Variants in EYS observed in about 807,000 individuals in gnomAD.
EYS encodes the protein protein eyes shut homolog.
EYS carries 250 observed loss-of-function variants against 282.1 expected under a neutral mutation model. That is an observed-to-expected ratio of 0.89 (90% CI 0.80 to 0.98). EYS has a LOEUF of 0.98. Ranked by LOEUF, EYS falls within the 50% of genes least tolerant of loss-of-function variation. The pLI, the probability that EYS is intolerant of heterozygous loss-of-function variation, is 0.00. For missense variants in EYS, 4,016 were observed against 3,709.0 expected, an observed-to-expected ratio of 1.08 and a Z score of -2.15; for synonymous variants, 1,355 against 1,282.9, an observed-to-expected ratio of 1.06 and a Z score of -1.20.
chr6:63,747,410 A>C (rs1357215475), intron 41 of EYS, among the ~76,000 whole-genome samples: 1 of 152,204 alleles, frequency 6.6e-6, no homozygotes, highest in Non-Finnish European at 1.5e-5. Flanking sequence ...TGCTGAGAAG[A>C]ATGTATATTC....
At chr6:63,722,201 C>T (rs1232686699) in intron 42 of EYS, among the ~76,000 whole-genome samples, 1 of 152,134 alleles carries the variant, frequency 6.6e-6, no homozygotes, top group Non-Finnish European at 1.5e-5. Flanking sequence ...CTGGAATGTT[C>T]TCTTTCCCCA....
intron 5 of EYS, among the ~76,000 whole-genome samples, chr6:65,424,897 C>T (rs369242321): frequency 5.1e-4 from 78 of 152,084 alleles, no homozygotes; most frequent in African/African-American, 1.8e-3. Context: ...TCTATATTTT[C>T]TGCCCAAATG....
intron 13 of EYS, among the ~76,000 whole-genome samples, chr6:65,033,721 G>T (rs1397508794): frequency 1.3e-5 from 2 of 152,190 alleles, no homozygotes; most frequent in East Asian, 3.8e-4. Context: ...TGTTGCAGGG[G>T]CAGAACCCTC....
At chr6:65,679,433 C>A (rs1350607571) in intron 1 of EYS, among the ~76,000 whole-genome samples, 1 of 151,816 alleles carries the variant, frequency 6.6e-6, no homozygotes, top group Admixed American at 6.6e-5. Flanking sequence ...GTGGAAAAAG[C>A]CAATCACCAG....
chr6:65,037,033 C>T (rs906790905), intron 13 of EYS, among the ~76,000 whole-genome samples: 3 of 151,788 alleles, frequency 2.0e-5, no homozygotes, highest in Non-Finnish European at 4.4e-5. Flanking sequence ...AGCACTATTC[C>T]TAATAGCAAA....
At chr6:64,678,810 C>A (rs1769792625) in intron 22 of EYS, among the ~76,000 whole-genome samples, 1 of 151,808 alleles carries the variant, frequency 6.6e-6, no homozygotes, top group Admixed American at 6.6e-5. Flanking sequence ...CATGGTGAAA[C>A]CCCGTCTCCA....
intron 19 of EYS, among the ~76,000 whole-genome samples, chr6:64,850,205 A>G (rs1393456105): frequency 6.6e-6 from 1 of 152,122 alleles, no homozygotes; most frequent in African/African-American, 2.4e-5. Context: ...ATGGATGCAT[A>G]TTTTATTTAT....
intron 2 of EYS, among the ~76,000 whole-genome samples, chr6:65,629,412 A>C (rs531967678): frequency 6.6e-6 from 1 of 152,130 alleles, no homozygotes; most frequent in Non-Finnish European, 1.5e-5. Context: ...ACCAAAATCA[A>C]AGTCACTAGA....
intron 1 of EYS, among the ~76,000 whole-genome samples, chr6:65,652,439 C>G (rs1441740714): frequency 4.6e-5 from 7 of 151,684 alleles, no homozygotes; most frequent in Non-Finnish European, 1.0e-4. Flanking sequence ...AAGAAAATAT[C>G]CCAGAGAAGT....
At chr6:65,221,219 G>A (rs962204280) in intron 12 of EYS, among the ~76,000 whole-genome samples, 1 of 152,190 alleles carries the variant, frequency 6.6e-6, no homozygotes, top group Non-Finnish European at 1.5e-5. Flanking sequence ...ATTTGCCTAA[G>A]TAATGAGGAG....
At chr6:64,263,682 A>G (rs1045656768) in intron 30 of EYS, among the ~76,000 whole-genome samples, 4 of 152,116 alleles carry the variant, frequency 2.6e-5, no homozygotes, top group African/African-American at 9.7e-5. Flanking sequence ...AACCAACAGG[A>G]TATGGCGATT....
At chr6:65,696,395 C>G (rs1392897986) in intron 1 of EYS, among the ~76,000 whole-genome samples, 1 of 151,912 alleles carries the variant, frequency 6.6e-6, no homozygotes, top group Non-Finnish European at 1.5e-5. Context: ...GAATATTAGA[C>G]AACTTTTGAA....
In EYS at chr6:64,187,856, G is replaced by C. The variant is rs190944194; in HGVS notation, c.6424+42736C>G. On this transcript the variant is annotated intron_variant, in intron 31 of 42. Transcript: ENST00000503581. ...TTTTTTTAAATTTCACTGGCTCTTT[G>C]TGTTTAATATAAGATTTCTTTACAA... is the stretch of plus-strand genomic sequence containing the variant. Among the ~76,000 whole-genome samples the C allele has an allele frequency of 2.7e-3, 403 of 151,846 alleles. 1 individual carries two copies. The highest frequency in any genetic ancestry group is 3.5e-3 in the Non-Finnish European group (240 of 67,898).
chr6:64,886,634 T>G, intron 19 of EYS, 63 bp downstream of exon 19: 64 of 1,342,936 alleles, frequency 4.8e-5, no homozygotes, highest in Non-Finnish European at 5.9e-5. Context: ...AGTATAAATA[T>G]GAGGTTTCTA....
At chr6:64,246,114 A>G (rs1767011996) in intron 30 of EYS, among the ~76,000 whole-genome samples, 1 of 150,046 alleles carries the variant, frequency 6.7e-6, no homozygotes, top group African/African-American at 2.4e-5. Context: ...ATTGTTATAA[A>G]TAATTGGGGA....
intron 19 of EYS, among the ~76,000 whole-genome samples, chr6:64,869,907 T>G (rs1766538525): frequency 6.6e-6 from 1 of 151,420 alleles, no homozygotes; most frequent in South Asian, 2.1e-4. Context: ...AAGGTAAGAC[T>G]AGAAGTAAGG....
At chr6:64,930,219 T>C (rs1768666709) in intron 15 of EYS, among the ~76,000 whole-genome samples, 1 of 152,048 alleles carries the variant, frequency 6.6e-6, no homozygotes, top group Non-Finnish European at 1.5e-5. Context: ...AGATTATAAT[T>C]GTAAAATATT....
At chr6:64,703,404 CACACACAT>C (rs1326440723) in intron 22 of EYS, among the ~76,000 whole-genome samples, 5 of 32,784 alleles carry the variant, frequency 1.5e-4, no homozygotes, top group African/African-American at 4.1e-4. Context: ...CACACACACA[CACACACAT>C]ATATATATAT....
intron 1 of EYS, among the ~76,000 whole-genome samples, chr6:65,642,134 A>C (rs1767297000): frequency 1.3e-5 from 2 of 152,280 alleles, no homozygotes; most frequent in Non-Finnish European, 2.9e-5. Flanking sequence ...TATTTGTTGA[A>C]TAAAAGCATG....
Sources: allele counts gnomAD v4.1 joint callset (sites outside exome capture counted in the v4.1 genomes callset), GRCh38; gene constraint gnomAD v4.1.1; transcripts MANE v1.5; gene names NCBI Gene and HGNC (gene_info 2026-07-23, HGNC 2026-07-21).